Variants in DLG2 observed in about 807,000 individuals in gnomAD.
DLG2 encodes the protein disks large homolog 2.
Under a neutral mutation model 132.5 loss-of-function variants are expected in DLG2, and 45 were observed. The ratio of observed to expected loss-of-function variants is 0.34; its 90% CI spans 0.27 to 0.44. The LOEUF is 0.44. Ranked by LOEUF, DLG2 falls within the 20% of genes least tolerant of loss-of-function variation. The probability of loss-of-function intolerance (pLI) is 1.00; values close to 1 mark genes in which losing one functional copy is unlikely to be tolerated. For synonymous variants in DLG2, 424 were observed against 419.6 expected (o/e 1.01, Z -0.13); for missense variants, 1,045 against 1,196.9 (o/e 0.87, Z 1.87).
intron 19 of DLG2, among the ~76,000 whole-genome samples, chr11:83,594,283 C>A (rs562459363): frequency 6.6e-6 from 1 of 152,322 alleles, no homozygotes; most frequent in East Asian, 1.9e-4. Context: ...TACTGAGTGA[C>A]TGTGTGGAGC....
At chr11:85,268,071 T>G (rs2077322901) in intron 4 of DLG2, among the ~76,000 whole-genome samples, 1 of 152,230 alleles carries the variant, frequency 6.6e-6, no homozygotes, top group Admixed American at 6.5e-5. Context: ...TTTGTATTAT[T>G]TTATTTAACC....
Position 85,536,649 on chromosome 11 carries a change from C to T in DLG2, c.40+62008G>A, listed in dbSNP as rs571213341. On this transcript the variant is annotated intron_variant, in intron 3 of 27. Coordinates refer to ENST00000376104, the MANE Select transcript of DLG2 (RefSeq NM_001142699.3). ...GAGGCGCAGGCAGGAGCTGGGGCTG[C>T]GTGCGGTGCTCACAGGCCAGTGCGG... Among the ~76,000 whole-genome samples, 9 of 152,344 alleles carry T rather than the reference C, an allele frequency of 5.9e-5. No individual in the cohort carries two copies. In the South Asian group the frequency reaches 6.2e-4, roughly 11 times the overall value.
chr11:83,944,864 T>C (rs572383351), intron 14 of DLG2, among the ~76,000 whole-genome samples: 2 of 152,320 alleles, frequency 1.3e-5, no homozygotes, highest in East Asian at 3.9e-4. Context: ...GTATACAGAA[T>C]ATAGAATTTG....
chr11:83,662,446 C>T (rs908158403), intron 18 of DLG2, among the ~76,000 whole-genome samples: 1 of 152,100 alleles, frequency 6.6e-6, no homozygotes, highest in Non-Finnish European at 1.5e-5. Context: ...GGAGAGGAGG[C>T]GGAGTGTTAT....
At chr11:84,072,072 A>G (rs1459222168) in intron 10 of DLG2, among the ~76,000 whole-genome samples, 1 of 152,264 alleles carries the variant, frequency 6.6e-6, no homozygotes. Flanking sequence ...TCTAATGCAC[A>G]TAAAGGCTTC....
chr11:85,545,503 G>T (rs1026320345), intron 3 of DLG2, among the ~76,000 whole-genome samples: 1 of 152,088 alleles, frequency 6.6e-6, no homozygotes, highest in African/African-American at 2.4e-5. Flanking sequence ...CTGGCCTCAT[G>T]AAGTGAGTTA....
intron 3 of DLG2, among the ~76,000 whole-genome samples, chr11:85,595,464 A>G (rs1413267174): frequency 1.3e-5 from 2 of 152,196 alleles, no homozygotes; most frequent in African/African-American, 4.8e-5. Context: ...TTTCCTTAGT[A>G]TTACCACAAG....
intron 8 of DLG2, among the ~76,000 whole-genome samples, chr11:84,214,455 A>G (rs929250540): frequency 1.3e-5 from 2 of 151,686 alleles, no homozygotes; most frequent in African/African-American, 4.8e-5. Flanking sequence ...ATAAACATAT[A>G]TGTCTGAGTA....
At chr11:84,755,516 C>T (rs528971746) in intron 6 of DLG2, among the ~76,000 whole-genome samples, 2 of 152,310 alleles carry the variant, frequency 1.3e-5, no homozygotes. Context: ...CTCCGCTTCC[C>T]GGGTTCAAGA....
chr11:85,593,498 G>A (rs981374001), intron 3 of DLG2, among the ~76,000 whole-genome samples: 2 of 152,120 alleles, frequency 1.3e-5, no homozygotes, highest in African/African-American at 4.8e-5. Context: ...ACCACATCTT[G>A]AGAATCTCTC....
At chr11:83,958,633 T>C (rs1251988340) in intron 14 of DLG2, among the ~76,000 whole-genome samples, 1 of 152,210 alleles carries the variant, frequency 6.6e-6, no homozygotes, top group Admixed American at 6.5e-5. Context: ...ATTTTAGTAC[T>C]GTTTGCATAT....
At chr11:85,286,298 A>G (rs1316438943) in intron 3 of DLG2, among the ~76,000 whole-genome samples, 1 of 152,124 alleles carries the variant, frequency 6.6e-6, no homozygotes, top group Non-Finnish European at 1.5e-5. Flanking sequence ...GTTCTATAGA[A>G]AGTTACAGGC....
chr11:85,388,481 C>G (rs981130125), intron 3 of DLG2, among the ~76,000 whole-genome samples: 2 of 152,134 alleles, frequency 1.3e-5, no homozygotes, highest in African/African-American at 4.8e-5. Flanking sequence ...TGTGTCCTCC[C>G]TATATAATCA....
intron 8 of DLG2, among the ~76,000 whole-genome samples, chr11:84,174,203 A>G (rs2095893068): frequency 6.6e-6 from 1 of 151,412 alleles, no homozygotes; most frequent in Non-Finnish European, 1.5e-5. Context: ...AATTCCCGCC[A>G]TCCTATTTCA....
At chr11:85,324,261 G>C (rs1301429444) in intron 3 of DLG2, among the ~76,000 whole-genome samples, 5 of 152,032 alleles carry the variant, frequency 3.3e-5, no homozygotes, top group African/African-American at 4.8e-5. Flanking sequence ...TTGGTGGAGT[G>C]ATGCCAGGAT....
intron 7 of DLG2, among the ~76,000 whole-genome samples, chr11:84,447,121 A>G (rs974761198): frequency 6.6e-6 from 1 of 152,232 alleles, no homozygotes; most frequent in African/African-American, 2.4e-5. Context: ...TCACCATATT[A>G]TAATAGTTAA....
At chr11:85,506,277 T>C (rs913715854) in intron 3 of DLG2, among the ~76,000 whole-genome samples, 1 of 152,208 alleles carries the variant, frequency 6.6e-6, no homozygotes, top group Non-Finnish European at 1.5e-5. Flanking sequence ...GTGTTTGCTC[T>C]TGTTTCACCA....
chr11:84,313,891 T>C (rs1451867238), intron 7 of DLG2, among the ~76,000 whole-genome samples: 1 of 152,166 alleles, frequency 6.6e-6, no homozygotes, highest in Non-Finnish European at 1.5e-5. Flanking sequence ...TTGGGCACTA[T>C]AATTTTCTAT....
chr11:83,672,821 G>C (rs1185687663), intron 18 of DLG2, among the ~76,000 whole-genome samples: 5 of 152,318 alleles, frequency 3.3e-5, no homozygotes, highest in Middle Eastern at 3.4e-3. Flanking sequence ...CCAGCACTTT[G>C]GGAGGCCGAG....
Sources: gnomAD v4.1 joint callset for allele counts (sites outside exome capture counted in the v4.1 genomes callset) on GRCh38, gnomAD v4.1.1 for gene constraint, MANE v1.5 for transcripts, NCBI Gene and HGNC (gene_info 2026-07-23, HGNC 2026-07-21) for gene names.